Variants in SH3RF3 observed in about 807,000 individuals in gnomAD.
SH3RF3 encodes the protein E3 ubiquitin-protein ligase SH3RF3.
SH3RF3 carries 29 observed loss-of-function variants against 66.3 expected under a neutral mutation model. The observed-to-expected ratio is 0.44, with a 90% CI of 0.33 to 0.60. SH3RF3 has a LOEUF of 0.60. Among genes scored for constraint, SH3RF3 ranks in the 20% least tolerant of loss-of-function variants. The pLI is 0.04. For missense variants in SH3RF3, 1,194 were observed against 1,190.9 expected (o/e 1.00, Z -0.04); for synonymous variants, 583 against 532.0 (o/e 1.10, Z -1.32).
At chr2:109,353,235 GCCT>G (rs1682877653) in intron 2 of SH3RF3, among the ~76,000 whole-genome samples, 1 of 152,222 alleles carries the variant, frequency 6.6e-6, no homozygotes, top group South Asian at 2.1e-4. Context: ...AGCTGCACTG[GCCT>G]CCTGGTGGGT....
chr2:109,477,018 T>A (rs1172154692), intron 8 of SH3RF3, among the ~76,000 whole-genome samples: 1 of 152,214 alleles, frequency 6.6e-6, no homozygotes, highest in Non-Finnish European at 1.5e-5. Context: ...AGGGTCTTTA[T>A]GATCTGTGCC....
intron 1 of SH3RF3, among the ~76,000 whole-genome samples, chr2:109,298,189 G>C (rs1380698220): frequency 2.0e-5 from 3 of 152,180 alleles, no homozygotes; most frequent in African/African-American, 7.2e-5. Flanking sequence ...TGGGGATAGA[G>C]AAGTCACCAA....
chr2:109,286,877 C>G (rs953687332), intron 1 of SH3RF3, among the ~76,000 whole-genome samples: 5 of 152,158 alleles, frequency 3.3e-5, no homozygotes, highest in African/African-American at 1.2e-4. Context: ...GTTGACCGGT[C>G]TGTCCCCAGA....
chr2:109,393,352 A>G (rs1414724711), intron 3 of SH3RF3, among the ~76,000 whole-genome samples: 5 of 152,250 alleles, frequency 3.3e-5, no homozygotes, highest in African/African-American at 1.2e-4. Flanking sequence ...CAACAATGGC[A>G]TCTGCAAAGA....
chr2:109,376,143 G>A (rs1192127988), intron 3 of SH3RF3, among the ~76,000 whole-genome samples: 1 of 152,238 alleles, frequency 6.6e-6, no homozygotes, highest in Non-Finnish European at 1.5e-5. Flanking sequence ...CTGCTCCTCG[G>A]TCCATTGCTG....
rs377357381 is a variant in SH3RF3, at chr2:109,437,078, C to A, written c.1760C>A (p.Pro587Gln). 58 of 1,613,700 alleles carry A rather than the reference C, an allele frequency of 3.6e-5. No homozygotes were observed. The African/African-American group carries it at 5.3e-4, about 15-fold the overall frequency. Residue 587 changes from proline (P) to glutamine (Q), a missense_variant, in exon 7 of 10, where the codon CCA becomes CAA. Pro to Gln is a moderately conservative substitution (Grantham distance 76). Transcript: ENST00000309415. ...AHAQHPTASP[P>Q]TGSCLRHSAQ... is the part of the protein sequence containing the mutation. Reference sequence around the variant, plus strand: ...GCCCAGCACCCCACAGCCTCGCCCCCAACAGGCAGCTGTCTACGGCACTCA... The same window carrying A: ...GCCCAGCACCCCACAGCCTCGCCCCAAACAGGCAGCTGTCTACGGCACTCA...
At chr2:109,420,688 G>A (rs953572100) in intron 5 of SH3RF3, among the ~76,000 whole-genome samples, 1 of 152,092 alleles carries the variant, frequency 6.6e-6, no homozygotes, top group Non-Finnish European at 1.5e-5. Context: ...CTCGTGATCC[G>A]CCCGCCTTGG....
Position 109,422,013 on chromosome 2 carries a change from G to A in SH3RF3, c.1403+2371G>A, listed in dbSNP as rs138858014. On this transcript the variant is annotated intron_variant, in intron 5 of 9. Coordinates refer to ENST00000309415, the MANE Select transcript of SH3RF3 (RefSeq NM_001099289.3). ...CATCAGTTTATGAGGAAGGGGATTAGCCTGACTGCTCACCTATCCTCTTTA... is the reference window on the plus strand; with the variant it reads ...CATCAGTTTATGAGGAAGGGGATTAACCTGACTGCTCACCTATCCTCTTTA... Among the ~76,000 whole-genome samples, 166 of 152,310 alleles carry A rather than the reference G, an allele frequency of 1.1e-3. 1 individual carries two copies. The highest frequency in any genetic ancestry group is 3.9e-3 in the African/African-American group (162 of 41,562).
rs1285235475 is a variant in SH3RF3, at chr2:109,222,072, A to G, written c.573+91959A>G. Among the ~76,000 whole-genome samples, 7 of 152,308 alleles carry G rather than the reference A, an allele frequency of 4.6e-5. No homozygotes were observed. In the East Asian group the frequency reaches 1.4e-3, roughly 29 times the overall value. On this transcript the variant is annotated intron_variant, in intron 1 of 9. Coordinates refer to ENST00000309415, the MANE Select transcript of SH3RF3 (RefSeq NM_001099289.3). Reference sequence around the variant, plus strand: ...AACATGGATGAAACTGCAGGTGGTTATGGTAAATGAAACAAGCCAGGCACA... The same window carrying G: ...AACATGGATGAAACTGCAGGTGGTTGTGGTAAATGAAACAAGCCAGGCACA...
chr2:109,365,659 G>A (rs748240798), intron 2 of SH3RF3, among the ~76,000 whole-genome samples: 17 of 152,154 alleles, frequency 1.1e-4, no homozygotes, highest in South Asian at 8.3e-4. Flanking sequence ...TTACTGTGGC[G>A]GTTGTATTTA....
chr2:109,435,589 G>A (rs1677377256), intron 6 of SH3RF3, among the ~76,000 whole-genome samples: 1 of 152,174 alleles, frequency 6.6e-6, no homozygotes, highest in South Asian at 2.1e-4. Flanking sequence ...CTTCCCGTGA[G>A]GGCACGCACT....
chr2:109,356,668 C>G (rs1171283502), intron 2 of SH3RF3, among the ~76,000 whole-genome samples: 1 of 152,186 alleles, frequency 6.6e-6, no homozygotes, highest in Admixed American at 6.5e-5. Flanking sequence ...CAACCTGACC[C>G]TGCTGAACAC....
intron 4 of SH3RF3, among the ~76,000 whole-genome samples, chr2:109,401,348 C>T (rs531596043): frequency 6.6e-6 from 1 of 152,204 alleles, no homozygotes; most frequent in Non-Finnish European, 1.5e-5. Context: ...TGAGGAGCAG[C>T]GGCCTGGCCC....
intron 1 of SH3RF3, among the ~76,000 whole-genome samples, chr2:109,192,561 CAT>C (rs558607902): frequency 1.8e-3 from 279 of 152,202 alleles, no homozygotes; most frequent in African/African-American, 5.8e-3. Context: ...GCGTGGTCCT[CAT>C]GTGGAATTTC....
rs1389835039 is a variant in SH3RF3 at position 109,490,802 on chromosome 2, G to A, written c.2346G>A (p.Met782Ile). Reference sequence around the variant, plus strand: ...GGTCCTGCCCCATAGAGAGCGAGATGCAGGGTGCCATGGGGATGGAGCCTC... The same window carrying A: ...GGTCCTGCCCCATAGAGAGCGAGATACAGGGTGCCATGGGGATGGAGCCTC... ...RAGSCPIESE[M>I]QGAMGMEPLH... The change falls in exon 9 of 10, where the codon ATG (methionine) becomes ATA (isoleucine). Residue 782 changes from methionine (M) to isoleucine (I), a missense_variant. By Grantham distance (10) the Met-to-Ile change is conservative. Coordinates refer to ENST00000309415, the MANE Select transcript of SH3RF3 (RefSeq NM_001099289.3). The A allele has an allele frequency of 3.9e-6, 6 of 1,537,016 alleles. No homozygotes were observed. Among genetic ancestry groups the A allele is most frequent in the African/African-American group, 1.4e-5 (1 of 73,172 alleles).
At chr2:109,369,863 T>G (rs551985666) in intron 2 of SH3RF3, among the ~76,000 whole-genome samples, 1 of 152,236 alleles carries the variant, frequency 6.6e-6, no homozygotes, top group African/African-American at 2.4e-5. Flanking sequence ...TCTCTCCCTC[T>G]GACCCCAAAA....
rs1679471806 is a variant in SH3RF3, at chr2:109,504,247, A to C, written c.*2576A>C. The stretch of plus-strand genomic sequence containing the variant: ...CCTGGCCCCATGATGTACACATCTT[A>C]GCCATGTAGTGGCCTTGGGGGGCCA... On this transcript the variant is annotated 3_prime_UTR_variant, in exon 10 of 10. Transcript: ENST00000309415. The C allele has an allele frequency of 6.6e-6, 1 of 152,232 alleles. No individual in the cohort carries two copies. The highest frequency in any genetic ancestry group is 1.5e-5 in the Non-Finnish European group (1 of 68,056). 9.4% of individuals were successfully genotyped at this position (152,232 alleles called of 1,614,324 possible).
At chr2:109,479,531 C>T (rs547596493) in intron 8 of SH3RF3, among the ~76,000 whole-genome samples, 228 of 152,054 alleles carry the variant, frequency 1.5e-3, no homozygotes, top group Non-Finnish European at 2.7e-3. Context: ...CCTGGGGTGT[C>T]GGGATGTCCA....
At chr2:109,179,002 A>T (rs201894530) in intron 1 of SH3RF3, among the ~76,000 whole-genome samples, 16,851 of 47,094 alleles carry the variant, frequency 0.36, 1,274 homozygotes, top group East Asian at 0.52. Context: ...AAAGTATAAT[A>T]ATGTGTGTGT....
Sources: allele counts gnomAD v4.1 joint callset (sites outside exome capture counted in the v4.1 genomes callset), GRCh38; gene constraint gnomAD v4.1.1; transcripts MANE v1.5; gene names NCBI Gene and HGNC (gene_info 2026-07-23, HGNC 2026-07-21).